FAM83F: variants seen among roughly 807,000 people sequenced by gnomAD.
FAM83F encodes the protein scaffolding CK1 anchoring protein F.
FAM83F carries 45 observed loss-of-function variants against 42.9 expected under a neutral mutation model. That is an observed-to-expected ratio of 1.05 (90% CI 0.83 to 1.35). The LOEUF is 1.35. FAM83F is among the 40% of genes most tolerant of loss of function. The probability of loss-of-function intolerance (pLI) is 0.00; values close to 1 mark genes in which losing one functional copy is unlikely to be tolerated. For missense variants in FAM83F, 617 were observed against 695.9 expected (o/e 0.89, Z 1.28); for synonymous variants, 306 against 298.3 (o/e 1.03, Z -0.27).
intron 1 of FAM83F, among the ~76,000 whole-genome samples, chr22:40,005,742 G>T (rs910282209): frequency 6.6e-5 from 10 of 152,242 alleles, no homozygotes; most frequent in Non-Finnish European, 8.8e-5. Context: ...TGAGGTAGAG[G>T]GCTCTGGGAG....
In FAM83F at chr22:39,995,500, T is replaced by C. The variant is rs1469281641; in HGVS notation, c.458T>C (p.Val153Ala). The C allele has an allele frequency of 7.0e-6, 11 of 1,576,860 alleles. No individual in the cohort carries two copies. Among genetic ancestry groups the C allele is most frequent in the Non-Finnish European group, 9.5e-6 (11 of 1,160,672 alleles). The part of the protein sequence containing the change: ...KDEKAPHLKQ[V>A]VRQMIQQAQK... The stretch of plus-strand genomic sequence containing the variant: ...GAGAAGGCGCCGCACCTCAAGCAGG[T>C]GGTCAGGCAGATGATCCAACAGGCC... The change falls in exon 1 of 5, where the codon GTG becomes GCG. Residue 153 changes from valine to alanine, a missense_variant. Physicochemically the swap from Val to Ala is moderately conservative, Grantham distance 64. Transcript: ENST00000333407. This position sits in a 1 kb window ranked among gnomAD's most constrained non-coding sequence, Gnocchi z 4.6.
intron 4 of FAM83F, among the ~76,000 whole-genome samples, chr22:40,028,118 C>A (rs528097475): frequency 4.9e-4 from 74 of 152,340 alleles, no homozygotes; most frequent in Non-Finnish European, 8.2e-4. Context: ...CGGAAAGTGA[C>A]CCCCAGCGCC....
At chr22:40,027,319 G>A (rs1273866301) in intron 4 of FAM83F, among the ~76,000 whole-genome samples, 9 of 152,108 alleles carry the variant, frequency 5.9e-5, no homozygotes, top group African/African-American at 2.2e-4. Flanking sequence ...TTCCATGTGG[G>A]TGACCTCTGC....
intron 1 of FAM83F, among the ~76,000 whole-genome samples, chr22:40,003,352 T>TC (rs914525571): frequency 1.4e-4 from 22 of 151,834 alleles, no homozygotes; most frequent in African/African-American, 5.3e-4. Flanking sequence ...CAACTGTCAG[T>TC]CCCCCCATCT....
Position 40,017,881 on chromosome 22 carries a change from A to G in FAM83F, c.490-1287A>G, listed in dbSNP as rs2067500249. On this transcript the variant is annotated intron_variant, in intron 1 of 4. Coordinates refer to ENST00000333407, the MANE Select transcript of FAM83F (RefSeq NM_138435.4). ...CTCATTAAGGTTAAGTGACTTGCCT[A>G]AGGTCACAACTAGGAAGTGGGGGAT... is the stretch of plus-strand genomic sequence containing the variant. Among the ~76,000 whole-genome samples the G allele has an allele frequency of 2.0e-5, 3 of 152,194 alleles. No individual in the cohort carries two copies. In the South Asian group the frequency reaches 6.2e-4, roughly 32 times the overall value.
chr22:40,019,890 A>T lies in FAM83F; in HGVS notation c.661A>T (p.Ile221Phe). The part of the protein sequence containing the change: ...LQLTDFRIRN[I>F]RVRSVTGVGF... ...GGCCTTCTGCTCTTCCCAACAGAAC[A>T]TCCGTGTCCGCTCTGTGACAGGCGT... Residue 221 changes from isoleucine to phenylalanine, a missense_variant, in exon 3 of 5, where the codon ATC becomes TTC. Coordinates refer to ENST00000333407, the MANE Select transcript of FAM83F (RefSeq NM_138435.4). The T allele has an allele frequency of 6.2e-7, 1 of 1,610,280 alleles. No individual in the cohort carries two copies. Among genetic ancestry groups the T allele is most frequent in the Non-Finnish European group, 8.5e-7 (1 of 1,178,368 alleles).
intron 1 of FAM83F, among the ~76,000 whole-genome samples, chr22:39,999,524 T>C (rs2145706562): frequency 6.6e-6 from 1 of 152,280 alleles, no homozygotes; most frequent in African/African-American, 2.4e-5. Flanking sequence ...TCCAATCTCC[T>C]CCGCACCTCA....
chr22:40,037,407 A>G lies in FAM83F; in HGVS notation c.*7842A>G, dbSNP rs1013636576. 6.5e-6 allele frequency: 1 copy of G among 152,686 alleles called. No individual in the cohort carries two copies. The highest frequency in any genetic ancestry group is 2.4e-5 in the African/African-American group (1 of 41,466). 9.5% of individuals were successfully genotyped at this position (152,686 alleles called of 1,614,324 possible). On this transcript the variant is annotated 3_prime_UTR_variant, in exon 5 of 5. Transcript: ENST00000333407. The stretch of plus-strand genomic sequence containing the variant: ...AAACAAAAAAACAAAAGCAAAAACC[A>G]GTCTTAGCTCACAGGCTGTGCCAAA...
intron 1 of FAM83F, among the ~76,000 whole-genome samples, chr22:40,007,034 G>A (rs2067433109): frequency 6.6e-6 from 1 of 152,038 alleles, no homozygotes; most frequent in Admixed American, 6.5e-5. Flanking sequence ...GTGGAATTCA[G>A]AGGGCTTAAG....
chr22:40,008,230 C>T (rs1190170684), intron 1 of FAM83F, among the ~76,000 whole-genome samples: 2 of 152,240 alleles, frequency 1.3e-5, no homozygotes, highest in East Asian at 1.9e-4. Context: ...ACGACATCCC[C>T]ACCTTGATGT....
Position 40,019,940 on chromosome 22 carries a change from G to T in FAM83F, c.711G>T (p.Arg237Ser), listed in dbSNP as rs1463423747. 6.2e-7 allele frequency: 1 copy of T among 1,613,518 alleles called. No individual in the cohort carries two copies. Among genetic ancestry groups the T allele is most frequent in the Admixed American group, 1.7e-5 (1 of 59,978 alleles). ...TGVGFYMPMGRIKGTLSSRFL... is the reference protein window; with the variant it reads ...TGVGFYMPMGSIKGTLSSRFL... Reference sequence around the variant, plus strand: ...TCGGCTTCTACATGCCCATGGGGAGGATCAAGGGGACCCTGTCATCAAGGT... The same window carrying T: ...TCGGCTTCTACATGCCCATGGGGAGTATCAAGGGGACCCTGTCATCAAGGT... Residue 237 changes from arginine to serine, a missense_variant, in exon 3 of 5, where the codon AGG (arginine) becomes AGT (serine). Transcript: ENST00000333407.
chr22:40,021,364 A>G lies in FAM83F; in HGVS notation c.854A>G (p.Asp285Gly). The stretch of plus-strand genomic sequence containing the variant: ...ACAGGACAGAACGTAGAGCCCTTTG[A>G]CACGGAGTTCCGGGAGCTGTACGCC... ...LLTGQNVEPF[D>G]TEFRELYAIS... Residue 285 changes from aspartate (D) to glycine (G), a missense_variant, in exon 4 of 5, where the codon GAC becomes GGC. Coordinates refer to ENST00000333407, the MANE Select transcript of FAM83F (RefSeq NM_138435.4). The surrounding 1 kb of genome is among the most constrained non-coding windows in gnomAD (Gnocchi z 8.7). The G allele has an allele frequency of 6.2e-7, 1 of 1,611,200 alleles. No individual in the cohort carries two copies. Among genetic ancestry groups the G allele is most frequent in the Non-Finnish European group, 8.5e-7 (1 of 1,178,014 alleles).
chr22:40,014,591 C>CT (rs1004071141), intron 1 of FAM83F, among the ~76,000 whole-genome samples: 3 of 152,098 alleles, frequency 2.0e-5, no homozygotes, highest in Non-Finnish European at 4.4e-5. Flanking sequence ...CCTTAATATT[C>CT]TTTTTTACCA....
chr22:40,018,713 T>C (rs2067504037), intron 1 of FAM83F, among the ~76,000 whole-genome samples: 1 of 151,776 alleles, frequency 6.6e-6, no homozygotes, highest in South Asian at 2.1e-4. Flanking sequence ...TGCCTCAGCC[T>C]CCCAAGTAGC....
Position 40,012,631 on chromosome 22 carries a change from G to A in FAM83F, c.490-6537G>A, listed in dbSNP as rs183929138. Among the ~76,000 whole-genome samples the A allele has an allele frequency of 4.4e-3, 665 of 150,900 alleles. 1 individual carries two copies. The highest frequency in any genetic ancestry group is 7.0e-3 in the Middle Eastern group (2 of 286). On this transcript the variant is annotated intron_variant, in intron 1 of 4. Coordinates refer to ENST00000333407, the MANE Select transcript of FAM83F (RefSeq NM_138435.4). ...CTAAAAATACAAAAATTAGCTGGGC[G>A]TGATGGTGTGCACCTGTAATTCCAG... is the stretch of plus-strand genomic sequence containing the variant.
intron 1 of FAM83F, among the ~76,000 whole-genome samples, chr22:40,017,757 C>G (rs1289079095): frequency 6.6e-6 from 1 of 152,156 alleles, no homozygotes; most frequent in Non-Finnish European, 1.5e-5. Context: ...TTATTACATG[C>G]CAGAGGTTGT....
chr22:40,008,266 C>T (rs1601765203), intron 1 of FAM83F, among the ~76,000 whole-genome samples: 1 of 152,358 alleles, frequency 6.6e-6, no homozygotes, highest in South Asian at 2.1e-4. Context: ...CGCGGGCTGC[C>T]TGGCTCCTCG....
At position 40,021,563 on chromosome 22, in the gene FAM83F, G is replaced by A. The variant is rs760387598; in HGVS notation, c.1053G>A (p.Ala351=). 10 of 1,564,046 alleles carry A rather than the reference G, an allele frequency of 6.4e-6. No homozygotes were observed. Among genetic ancestry groups the A allele is most frequent in the African/African-American group, 5.4e-5 (4 of 73,558 alleles). The stretch of plus-strand genomic sequence containing the variant: ...GGGCTGCCCGGCAACAGCGGGAGGC[G>A]GGCGGCAACCCGGAGGGGCAGGAGG... The part of the protein sequence containing the change: ...MRWAARQQRE[A]GGNPEGQEEG... Residue 351 remains alanine (A), a synonymous_variant, in exon 4 of 5, where the codon GCG becomes GCA. Transcript: ENST00000333407. This position sits in a 1 kb window ranked among gnomAD's most constrained non-coding sequence, Gnocchi z 8.7.
Position 40,039,564 on chromosome 22 carries a change from G to C in FAM83F, c.*9999G>C, listed in dbSNP as rs1219859724. ...GCAGCAAACAAGCTGCAGAATGAAG[G>C]GTGGAGATGGAGAGATAGAATTCTC... On this transcript the variant is annotated 3_prime_UTR_variant, in exon 5 of 5. Transcript: ENST00000333407. 7.2e-5 allele frequency: 11 copies of C among 152,354 alleles called. No homozygotes were observed. In the East Asian group the frequency reaches 1.7e-3, roughly 24 times the overall value. 9.4% of individuals were successfully genotyped at this position (152,354 alleles called of 1,614,324 possible). A position where few individuals can be genotyped will look rare whatever the true frequency, so the allele number is the denominator to read the frequency against.
Sources: gnomAD v4.1 joint callset for allele counts (sites outside exome capture counted in the v4.1 genomes callset) on GRCh38, gnomAD v4.1.1 for gene constraint, Gnocchi (gnomAD v3.1) non-coding constraint, MANE v1.5 for transcripts, NCBI Gene and HGNC (gene_info 2026-07-23, HGNC 2026-07-21) for gene names.